HHAT: variants seen among roughly 807,000 people sequenced by gnomAD.
The protein encoded by HHAT is protein-cysteine N-palmitoyltransferase HHAT.
In HHAT, 47 loss-of-function variants were observed where a neutral mutation model predicts 70.8. The observed-to-expected ratio is 0.66, with a 90% CI of 0.53 to 0.85. The LOEUF (loss-of-function observed/expected upper bound fraction) is 0.85. Ranked by LOEUF, HHAT falls within the 40% of genes least tolerant of loss-of-function variation. HHAT has a pLI of 0.00. For synonymous variants in HHAT, 228 were observed against 247.6 expected (o/e 0.92, Z 0.74); for missense variants, 609 against 604.8 (o/e 1.01, Z -0.07).
At chr1:210,372,588 A>G (rs893502239) in intron 3 of HHAT, among the ~76,000 whole-genome samples, 1 of 152,120 alleles carries the variant, frequency 6.6e-6, no homozygotes, top group Non-Finnish European at 1.5e-5. Flanking sequence ...TGAAGCCTCT[A>G]TTGTCTGTCT....
Position 210,391,777 on chromosome 1 carries a change from G to C in HHAT, c.273+4196G>C, listed in dbSNP as rs562987982. 3.0e-3 allele frequency among the ~76,000 whole-genome samples: 451 copies of C among 152,214 alleles called. 5 individuals are homozygous for C. Among genetic ancestry groups the C allele is most frequent in the African/African-American group, 0.01 (435 of 41,524 alleles). ...TAGCTGCCTGAACTCATACAGAAAG[G>C]GTGTTGAATATGTATTTGTATAACT... is the stretch of plus-strand genomic sequence containing the variant. On this transcript the variant is annotated intron_variant, in intron 4 of 11. Transcript: ENST00000261458.
chr1:210,433,531 C>A (rs1258227351), intron 7 of HHAT, among the ~76,000 whole-genome samples: 2 of 148,546 alleles, frequency 1.3e-5, no homozygotes, highest in Admixed American at 6.7e-5. Flanking sequence ...TATTCACATA[C>A]TCCATGGAAG....
chr1:210,574,899 T>C (rs1657292038), intron 9 of HHAT, among the ~76,000 whole-genome samples: 2 of 152,220 alleles, frequency 1.3e-5, no homozygotes, highest in South Asian at 4.1e-4. Context: ...GTGAACATTT[T>C]CCTAACAGCC....
chr1:210,616,527 A>G (rs1247980146), intron 10 of HHAT, among the ~76,000 whole-genome samples: 3 of 152,236 alleles, frequency 2.0e-5, no homozygotes, highest in African/African-American at 7.2e-5. Flanking sequence ...GGCATTTGAA[A>G]TCGACAGTTG....
intron 9 of HHAT, among the ~76,000 whole-genome samples, chr1:210,583,552 A>C (rs1659730326): frequency 6.6e-6 from 1 of 152,202 alleles, no homozygotes; most frequent in African/African-American, 2.4e-5. Context: ...AGAATTTGTA[A>C]AAGAAAATAA....
rs145734668 is a variant in HHAT, at chr1:210,666,821, C to T, written c.1391-7467C>T. On this transcript the variant is annotated intron_variant, in intron 11 of 11. Coordinates refer to ENST00000261458, the MANE Select transcript of HHAT (RefSeq NM_018194.6). ...AAAAATGAATTCTGGGGCCAGGTAC[C>T]GTGGCTCACGCCTGTAATCCCAGCA... is the stretch of plus-strand genomic sequence containing the variant. Among the ~76,000 whole-genome samples, 217 of 151,814 alleles carry T rather than the reference C, an allele frequency of 1.4e-3. 2 individuals carry two copies. The East Asian group carries it at 0.036, about 25-fold the overall frequency.
At position 210,608,610 on chromosome 1, in the gene HHAT, A is replaced by C. The variant is rs192193077; in HGVS notation, c.1246-14916A>C. Among the ~76,000 whole-genome samples, 17 of 152,182 alleles carry C rather than the reference A, an allele frequency of 1.1e-4. No homozygotes were observed. The East Asian group carries it at 2.7e-3, about 24-fold the overall frequency. ...AAACTCTGTTTGGTATTATTATTGG[A>C]ATTTTTTAGATGTGCATTTAATTGT... is the stretch of plus-strand genomic sequence containing the variant. On this transcript the variant is annotated intron_variant, in intron 10 of 11. Transcript: ENST00000261458.
intron 8 of HHAT, among the ~76,000 whole-genome samples, chr1:210,500,378 T>G (rs1288742338): frequency 6.6e-6 from 1 of 152,230 alleles, no homozygotes; most frequent in Non-Finnish European, 1.5e-5. Context: ...AGTTTTGTGT[T>G]GAATTCTTGT....
At chr1:210,649,716 A>G (rs569423508) in intron 11 of HHAT, among the ~76,000 whole-genome samples, 1 of 152,224 alleles carries the variant, frequency 6.6e-6, no homozygotes, top group Non-Finnish European at 1.5e-5. Flanking sequence ...GGTAATGGGA[A>G]AGCAGAATGT....
At chr1:210,365,707 T>C (rs2088881744) in intron 3 of HHAT, among the ~76,000 whole-genome samples, 1 of 150,942 alleles carries the variant, frequency 6.6e-6, no homozygotes, top group African/African-American at 2.4e-5. Flanking sequence ...CCTCCATCTC[T>C]CAGGTTCAAA....
chr1:210,563,160 G>A lies in HHAT; in HGVS notation c.1044-24738G>A, dbSNP rs556214789. Among the ~76,000 whole-genome samples, 51 of 152,264 alleles carry A rather than the reference G, an allele frequency of 3.3e-4. No individual in the cohort carries two copies. In the East Asian group the frequency reaches 9.3e-3, roughly 28 times the overall value. ...GCTTCTGGGTCAAGTGATTCCGCCT[G>A]TGGTAAGTACCTAGAGGGAATACAG... On this transcript the variant is annotated intron_variant, in intron 9 of 11. Transcript: ENST00000261458.
At chr1:210,432,932 A>G (rs1372807502) in intron 7 of HHAT, among the ~76,000 whole-genome samples, 1 of 151,778 alleles carries the variant, frequency 6.6e-6, no homozygotes, top group African/African-American at 2.4e-5. Context: ...GAACTAATAC[A>G]GAGATACTGT....
intron 11 of HHAT, among the ~76,000 whole-genome samples, chr1:210,650,632 G>A (rs1348363460): frequency 2.0e-5 from 3 of 152,132 alleles, no homozygotes; most frequent in Non-Finnish European, 4.4e-5. Flanking sequence ...AAGGGGATTC[G>A]GATCCAACTC....
intron 7 of HHAT, among the ~76,000 whole-genome samples, chr1:210,424,276 T>C (rs2092992146): frequency 6.6e-6 from 1 of 152,160 alleles, no homozygotes; most frequent in African/African-American, 2.4e-5. Context: ...TTATTTCACA[T>C]TTTTTTAGCT....
chr1:210,348,997 G>A lies in HHAT; in HGVS notation c.22G>A (p.Ala8Thr), dbSNP rs150162144. Reference protein sequence around the residue: MLPRWELALYLLASLGFH... With the variant: MLPRWELTLYLLASLGFH... ...AGCCATGCTGCCCCGATGGGAACTG[G>A]CACTTTACCTACTTGCCTCACTAGG... The change falls in exon 2 of 12, where the codon GCA (alanine) becomes ACA (threonine). Residue 8 changes from alanine (A) to threonine (T), a missense_variant. Transcript: ENST00000261458. 1.9e-5 allele frequency: 30 copies of A among 1,613,996 alleles called. No individual in the cohort carries two copies. The African/African-American group carries it at 2.3e-4, about 12-fold the overall frequency.
intron 8 of HHAT, among the ~76,000 whole-genome samples, chr1:210,494,569 T>TTTTTTA (rs2094603485): frequency 8.2e-6 from 1 of 122,622 alleles, no homozygotes; most frequent in African/African-American, 3.0e-5. Context: ...TTTTTTTTTT[T>TTTTTTA]GAGACAGAGT....
chr1:210,670,234 C>T lies in HHAT; in HGVS notation c.1391-4054C>T, dbSNP rs146116245. ...AGATGAGGCTCTGCCCCAAGCCTAC[C>T]CCTGCCCCCCTGGGCCACATCAGTG... On this transcript the variant is annotated intron_variant, in intron 11 of 11. Coordinates refer to ENST00000261458, the MANE Select transcript of HHAT (RefSeq NM_018194.6). Among the ~76,000 whole-genome samples the T allele has an allele frequency of 2.5e-4, 38 of 152,332 alleles. No individual in the cohort carries two copies. The East Asian group carries it at 7.3e-3, about 29-fold the overall frequency.
chr1:210,454,997 T>C (rs2093833250), intron 7 of HHAT, among the ~76,000 whole-genome samples: 1 of 152,232 alleles, frequency 6.6e-6, no homozygotes, highest in South Asian at 2.1e-4. Flanking sequence ...TTGCCCAGTG[T>C]AGAGCCCTTT....
chr1:210,652,262 C>T (rs116363496), intron 11 of HHAT, among the ~76,000 whole-genome samples: 2,556 of 152,276 alleles, frequency 0.017, 35 homozygotes, highest in Middle Eastern at 0.027. Flanking sequence ...AAATTCTTAT[C>T]TCTAGCTCTC....
Sources: allele counts gnomAD v4.1 joint callset (sites outside exome capture counted in the v4.1 genomes callset), GRCh38; gene constraint gnomAD v4.1.1; transcripts MANE v1.5; gene names NCBI Gene and HGNC (gene_info 2026-07-23, HGNC 2026-07-21).